Variants in KLC1 observed in about 807,000 individuals in gnomAD.
KLC1 encodes kinesin 2 60/70kDa.
KLC1 carries 30 observed loss-of-function variants against 84.2 expected under a neutral mutation model. The observed-to-expected ratio is 0.36, with a 90% CI of 0.27 to 0.48. The LOEUF is 0.48. Ranked by LOEUF, KLC1 falls within the 20% of genes least tolerant of loss-of-function variation. The pLI, the probability that KLC1 is intolerant of heterozygous loss-of-function variation, is 0.99. For missense variants in KLC1, 499 were observed against 805.4 expected (o/e 0.62, Z 4.60); for synonymous variants, 289 against 293.3 (o/e 0.99, Z 0.15).
rs1319107250 is a variant in KLC1, at chr14:103,693,104, C to A, written c.1848+679C>A. Reference sequence around the variant, plus strand: ...GGCAGCTCGAGCTGTTGGGACTTGGCAGTCCCTGCCCCTGTGCTGGTGCTG... The same window carrying A: ...GGCAGCTCGAGCTGTTGGGACTTGGAAGTCCCTGCCCCTGTGCTGGTGCTG... On this transcript the variant is annotated intron_variant, in intron 15 of 16. Transcript: ENST00000334553. This position sits in a 1 kb window ranked among gnomAD's most constrained non-coding sequence, Gnocchi z 5.1. 6.6e-6 allele frequency among the ~76,000 whole-genome samples: 1 copy of A among 152,248 alleles called. No individual in the cohort carries two copies. Among genetic ancestry groups the A allele is most frequent in the Non-Finnish European group, 1.5e-5 (1 of 68,040 alleles).
In KLC1 at chr14:103,694,240, G is replaced by A. The variant is rs2082286770; in HGVS notation, c.1848+1815G>A. 7.1e-6 allele frequency: 7 copies of A among 981,362 alleles called. No individual in the cohort carries two copies. Among genetic ancestry groups the A allele is most frequent in the Non-Finnish European group, 7.2e-6 (6 of 828,596 alleles). 60.8% of individuals were successfully genotyped at this position (981,362 alleles called of 1,614,324 possible). On this transcript the variant is annotated intron_variant, in intron 15 of 16. Coordinates refer to ENST00000334553, the MANE Select transcript of KLC1 (RefSeq NM_001394837.1). This position sits in a 1 kb window ranked among gnomAD's most constrained non-coding sequence, Gnocchi z 4.5. ...CCCTGCACACGAAGCCCATAGAGAC[G>A]TGTGTTTCACTTTTTTTTTTTTTTT...
chr14:103,697,177 G>C (rs1407538923), intron 15 of KLC1: 11 of 964,312 alleles, frequency 1.1e-5, no homozygotes, highest in Non-Finnish European at 1.4e-5. Context: ...TTGCAGAAAG[G>C]CTGTTTTGTA....
intron 1 of KLC1, among the ~76,000 whole-genome samples, chr14:103,639,327 C>T (rs148491362): frequency 0.016 from 2,466 of 152,028 alleles, 64 homozygotes; most frequent in African/African-American, 0.056. Flanking sequence ...GATGGGGTTT[C>T]ACCATGTTGG....
At chr14:103,652,764 T>C (rs2078556257) in intron 1 of KLC1, among the ~76,000 whole-genome samples, 1 of 152,232 alleles carries the variant, frequency 6.6e-6, no homozygotes, top group South Asian at 2.1e-4. Flanking sequence ...GTGCTGGGAT[T>C]ACAGGCATGA....
intron 2 of KLC1, 84 bp from the exon 3 acceptor site, chr14:103,657,462 C>A: frequency 9.9e-7 from 1 of 1,014,390 alleles, no homozygotes; most frequent in Non-Finnish European, 1.5e-6. Flanking sequence ...AAGCTACAGC[C>A]CCAGCCACAG....
chr14:103,687,334 TCA>T (rs2081842682), intron 14 of KLC1, 123 bp downstream of exon 14: 1 of 1,023,318 alleles, frequency 9.8e-7, no homozygotes, highest in South Asian at 2.1e-5. Context: ...TCCCGTATTC[TCA>T]CAACCGAAGG....
chr14:103,647,246 C>CG (rs1028652792), intron 1 of KLC1, among the ~76,000 whole-genome samples: 3 of 151,592 alleles, frequency 2.0e-5, no homozygotes, highest in African/African-American at 7.3e-5. Flanking sequence ...TTTTTTGAGA[C>CG]GGAGTGTTGC....
rs974733684 is a variant in KLC1 at position 103,694,397 on chromosome 14, A to AC, written c.1848+1975dup. On this transcript the variant is annotated intron_variant, in intron 15 of 16. Coordinates refer to ENST00000334553, the MANE Select transcript of KLC1 (RefSeq NM_001394837.1). This position sits in a 1 kb window ranked among gnomAD's most constrained non-coding sequence, Gnocchi z 4.5. ...CTCCCGAGTAGCTGGGACTACAGGCACCCGCCAGGCGGATCACAAGGTCAG... is the reference window on the plus strand; with the variant it reads ...CTCCCGAGTAGCTGGGACTACAGGCACCCCGCCAGGCGGATCACAAGGTCAG... The AC allele has an allele frequency of 4.1e-6, 4 of 967,930 alleles. No individual in the cohort carries two copies. The African/African-American group carries it at 7.1e-5, about 17-fold the overall frequency. 60.0% of individuals were successfully genotyped at this position (967,930 alleles called of 1,614,324 possible).
Position 103,667,705 on chromosome 14 carries a change from T to C in KLC1, c.798-1806T>C, listed in dbSNP as rs530469764. Among the ~76,000 whole-genome samples the C allele has an allele frequency of 2.6e-4, 40 of 152,332 alleles. 1 individual carries two copies. Among genetic ancestry groups the C allele is most frequent in the African/African-American group, 7.9e-4 (33 of 41,574 alleles). ...AAGTTTGAGGCAGCTTACAATAGGA[T>C]GTAATAGGATGAAAGAAGAAACAAC... On this transcript the variant is annotated intron_variant, in intron 5 of 16. Transcript: ENST00000334553.
intron 5 of KLC1, among the ~76,000 whole-genome samples, chr14:103,666,576 A>G (rs139972859): frequency 7.6e-4 from 115 of 151,636 alleles, no homozygotes; most frequent in African/African-American, 2.7e-3. Flanking sequence ...GAAGTGTTTA[A>G]TATACCTCAT....
In KLC1 at chr14:103,673,438, A is replaced by G; in HGVS notation, c.1261+7A>G. The G allele has an allele frequency of 2.0e-6, 3 of 1,521,624 alleles. No homozygotes were observed. Among genetic ancestry groups the G allele is most frequent in the Non-Finnish European group, 2.7e-6 (3 of 1,109,826 alleles). The allele number at this position is 1,521,624 out of a possible 1,614,324, so 94.3% of individuals were successfully genotyped here. A position where few individuals can be genotyped will look rare whatever the true frequency, so the allele number is the denominator to read the frequency against. ...GAGTTTGGTTCTGTAGATGGTAAGA[A>G]ATATACTCCCGTTTCAAGTGAATTT... is the stretch of plus-strand genomic sequence containing the variant. On this transcript the variant is annotated splice_region_variant and intron_variant, in intron 9 of 16. Coordinates refer to ENST00000334553, the MANE Select transcript of KLC1 (RefSeq NM_001394837.1).
At chr14:103,695,856 G>A in intron 15 of KLC1, 1 of 985,416 alleles carries the variant, frequency 1.0e-6, no homozygotes, top group Non-Finnish European at 1.2e-6. Flanking sequence ...TCGTGTTTCA[G>A]AGGGAGGCGG....
chr14:103,690,178 C>T lies in KLC1; in HGVS notation c.1782-2181C>T, dbSNP rs3742360. The stretch of plus-strand genomic sequence containing the variant: ...CCTGGGCGATGGAGTGAAACTTCGT[C>T]TCAAAAAAAAAAAAAAGTTAATGGC... On this transcript the variant is annotated intron_variant, in intron 14 of 16. Coordinates refer to ENST00000334553, the MANE Select transcript of KLC1 (RefSeq NM_001394837.1). 3.1e-3 allele frequency among the ~76,000 whole-genome samples: 457 copies of T among 147,990 alleles called. 13 individuals carry two copies. The highest frequency in any genetic ancestry group is 7.7e-3 in the East Asian group (39 of 5,072).
rs1327959384 is a variant in KLC1, at chr14:103,693,359, CA to C, written c.1848+935del. Among the ~76,000 whole-genome samples the C allele has an allele frequency of 2.0e-5, 3 of 152,118 alleles. No homozygotes were observed. Among genetic ancestry groups the C allele is most frequent in the African/African-American group, 7.2e-5 (3 of 41,424 alleles). On this transcript the variant is annotated intron_variant, in intron 15 of 16. Transcript: ENST00000334553. The surrounding 1 kb of genome is among the most constrained non-coding windows in gnomAD (Gnocchi z 5.1). ...GAGGAAAGAAAGTCTCTTCATTTTA[CA>C]GGGTCCTGTAGCTGACCCAGTGTTT...
intron 12 of KLC1, among the ~76,000 whole-genome samples, chr14:103,678,973 T>C (rs1384460282): frequency 1.3e-5 from 2 of 152,128 alleles, no homozygotes; most frequent in South Asian, 2.1e-4. Flanking sequence ...AGCGAACAAA[T>C]GGAAAATAGG....
At chr14:103,643,047 A>C (rs1284815701) in intron 1 of KLC1, among the ~76,000 whole-genome samples, 1 of 152,230 alleles carries the variant, frequency 6.6e-6, no homozygotes, top group Admixed American at 6.5e-5. Context: ...TTGGGATTAC[A>C]GGCATGAGCC....
At chr14:103,700,389 T>C (rs749996347) in intron 15 of KLC1, 1 of 416,646 alleles carries the variant, frequency 2.4e-6, no homozygotes, top group Non-Finnish European at 4.3e-6. Flanking sequence ...GCCATTGGCA[T>C]GGCTGGCCTG....
At chr14:103,663,496 G>T (rs1156559475) in intron 5 of KLC1, among the ~76,000 whole-genome samples, 1 of 152,142 alleles carries the variant, frequency 6.6e-6, no homozygotes, top group African/African-American at 2.4e-5. Context: ...CCAGCCAAAC[G>T]AAGCTGTTTT....
chr14:103,679,289 T>G (rs764972528), intron 12 of KLC1, 95 bp from the exon 13 acceptor site: 17 of 534,384 alleles, frequency 3.2e-5, no homozygotes, highest in Non-Finnish European at 4.3e-5. Context: ...TTAAGAACTG[T>G]TTTTTTTTTT....
Sources: allele counts gnomAD v4.1 joint callset (sites outside exome capture counted in the v4.1 genomes callset), GRCh38; gene constraint gnomAD v4.1.1; non-coding constraint Gnocchi (gnomAD v3.1); transcripts MANE v1.5; gene names NCBI Gene and HGNC (gene_info 2026-07-23, HGNC 2026-07-21).